The following SLC25A32 variants were observed in gnomAD, a reference collection of about 807,000 sequenced individuals.
The protein encoded by SLC25A32 is solute carrier family 25 member 32, also known as Glycine auxotroph B, complementation of hamster.
SLC25A32 carries 32 observed loss-of-function variants against 39.0 expected under a neutral mutation model. The observed-to-expected ratio is 0.82, with a 90% confidence interval of 0.62 to 1.10. The LOEUF is 1.10. Ranked by LOEUF, SLC25A32 falls within the 50% of genes least tolerant of loss-of-function variation. The probability of loss-of-function intolerance (pLI) is 0.00; values close to 1 mark genes in which losing one functional copy is unlikely to be tolerated. For missense variants in SLC25A32, 367 were observed against 395.3 expected (o/e 0.93, Z 0.61); for synonymous variants, 166 against 152.4 (o/e 1.09, Z -0.66).
intron 1 of SLC25A32, among the ~76,000 whole-genome samples, chr8:103,409,175 A>C (rs1270919181): frequency 6.6e-6 from 1 of 152,220 alleles, no homozygotes; most frequent in Non-Finnish European, 1.5e-5. Context: ...CTATAAGTAG[A>C]GTATTAAGTA....
chr8:103,407,285 C>T (rs768319902), intron 2 of SLC25A32, among the ~76,000 whole-genome samples: 4 of 152,310 alleles, frequency 2.6e-5, no homozygotes, highest in South Asian at 2.1e-4. Flanking sequence ...ATCAGTTATA[C>T]ATTTCATCTT....
In SLC25A32 at chr8:103,407,788, C is replaced by T. The variant is rs1586115270; in HGVS notation, c.155-4G>A. On this transcript the variant is annotated splice_polypyrimidine_tract_variant and splice_region_variant and intron_variant, in intron 1 of 6. Coordinates refer to ENST00000297578, the MANE Select transcript of SLC25A32 (RefSeq NM_030780.5). The stretch of plus-strand genomic sequence containing the variant: ...CTCAGTTCCAATCCATCACTCACTG[C>T]ATCAAGGGATACACAAAGTCAGGTA... 1 of 1,611,664 alleles carries T rather than the reference C, an allele frequency of 6.2e-7. No homozygotes were observed. The highest frequency in any genetic ancestry group is 1.3e-5 in the African/African-American group (1 of 74,760).
intron 1 of SLC25A32, among the ~76,000 whole-genome samples, 162 bp from the exon 2 acceptor site, chr8:103,407,946 C>G (rs1816369407): frequency 6.9e-6 from 1 of 144,350 alleles, no homozygotes; most frequent in Admixed American, 7.0e-5. Flanking sequence ...ATATATATTA[C>G]ATATATATAT....
intron 2 of SLC25A32, among the ~76,000 whole-genome samples, chr8:103,406,846 A>G (rs1816343134): frequency 6.6e-6 from 1 of 152,232 alleles, no homozygotes; most frequent in Admixed American, 6.5e-5. Context: ...TTGAGGATAA[A>G]CAAGTAATTA....
In SLC25A32 at chr8:103,400,272, C is replaced by T. The variant is rs1816188624; in HGVS notation, c.*139G>A. 2 of 955,702 alleles carry T rather than the reference C, an allele frequency of 2.1e-6. No individual in the cohort carries two copies. The highest frequency in any genetic ancestry group is 3.3e-5 in the African/African-American group (2 of 60,054). 59.2% of individuals were successfully genotyped at this position (955,702 alleles called of 1,614,324 possible). On this transcript the variant is annotated 3_prime_UTR_variant, in exon 7 of 7. Coordinates refer to ENST00000297578, the MANE Select transcript of SLC25A32 (RefSeq NM_030780.5). ...AAGAAAAACATTGCAGGAGACTTAG[C>T]AGTTCTCTGGCTTCTAATGACTATA... is the stretch of plus-strand genomic sequence containing the variant.
At position 103,400,452 on chromosome 8, in the gene SLC25A32, C is replaced by A; in HGVS notation, c.907G>T (p.Val303Phe). The change falls in exon 7 of 7, where the codon GTC (valine) becomes TTC (phenylalanine). Residue 303 changes from valine (V) to phenylalanine (F), a missense_variant. By Grantham distance (50) the Val-to-Phe change is conservative (BLOSUM62 -1). Transcript: ENST00000297578. Reference protein sequence around the residue: ...CCITFVVYENVSHFLLDLREK... With the variant: ...CCITFVVYENFSHFLLDLREK... ...CTAAGGTCAAGTAAAAAATGTGAGA[C>A]GTTTTCATATACCACAAAGGTAATA... The A allele has an allele frequency of 1.2e-6, 2 of 1,614,126 alleles. No homozygotes were observed. The highest frequency in any genetic ancestry group is 1.7e-6 in the Non-Finnish European group (2 of 1,179,980).
At chr8:103,407,031 T>A (rs1209680003) in intron 2 of SLC25A32, among the ~76,000 whole-genome samples, 1 of 152,234 alleles carries the variant, frequency 6.6e-6, no homozygotes, top group African/African-American at 2.4e-5. Context: ...TCTTCCAGTC[T>A]CTACATCACT....
rs5025988 is a variant in SLC25A32, at chr8:103,414,678, A to T, written c.154+106T>A. ...TTCAGGTTAGCCAACGCGGACAGCA[A>T]CGCTCCCTTCAACGCTCCTCCTCCC... On this transcript the variant is annotated intron_variant, in intron 1 of 6. Transcript: ENST00000297578. 3.6e-6 allele frequency: 5 copies of T among 1,391,148 alleles called. No individual in the cohort carries two copies. In the East Asian group the frequency reaches 1.3e-4, roughly 35 times the overall value. The allele number at this position is 1,391,148 out of a possible 1,614,324, so 86.2% of individuals were successfully genotyped here.
In SLC25A32 at chr8:103,414,958, C is replaced by T. The variant is rs1200807236; in HGVS notation, c.-21G>A. 3.1e-6 allele frequency: 5 copies of T among 1,590,358 alleles called. No individual in the cohort carries two copies. Among genetic ancestry groups the T allele is most frequent in the Non-Finnish European group, 4.3e-6 (5 of 1,168,650 alleles). On this transcript the variant is annotated 5_prime_UTR_variant, in exon 1 of 7. The change creates a new upstream start codon in the 5' untranslated region. Coordinates refer to ENST00000297578, the MANE Select transcript of SLC25A32 (RefSeq NM_030780.5). ...GTCATAGGCTCGGGGCCCGTCGACA[C>T]CACGGCGCCCAGGGCCGCGGAGGTG... is the stretch of plus-strand genomic sequence containing the variant.
At chr8:103,410,453 A>G (rs1359571277) in intron 1 of SLC25A32, among the ~76,000 whole-genome samples, 1 of 152,092 alleles carries the variant, frequency 6.6e-6, no homozygotes, top group Non-Finnish European at 1.5e-5. Context: ...AGAATCTCGA[A>G]CCCTATTGTG....
In SLC25A32 at chr8:103,400,352, A is replaced by G; in HGVS notation, c.*59T>C. On this transcript the variant is annotated 3_prime_UTR_variant, in exon 7 of 7. Transcript: ENST00000297578. ...ATGCAGAATTCTTCTTTTATGCCTTAAACACAAAAGAGCTTGTTGCTGCCT... is the reference window on the plus strand; with the variant it reads ...ATGCAGAATTCTTCTTTTATGCCTTGAACACAAAAGAGCTTGTTGCTGCCT... 2 of 1,593,916 alleles carry G rather than the reference A, an allele frequency of 1.3e-6. No homozygotes were observed. Among genetic ancestry groups the G allele is most frequent in the African/African-American group, 1.4e-5 (1 of 73,972 alleles).
In SLC25A32 at chr8:103,399,167, T is replaced by C. The variant is rs1816164444; in HGVS notation, c.*1244A>G. On this transcript the variant is annotated 3_prime_UTR_variant, in exon 7 of 7. Coordinates refer to ENST00000297578, the MANE Select transcript of SLC25A32 (RefSeq NM_030780.5). ...TTTCAACCTGAATTTGAGAAACCAA[T>C]GAAGATTAATCATTTATTTGGGATC... 6.6e-6 allele frequency: 1 copy of C among 152,214 alleles called. No homozygotes were observed. Among genetic ancestry groups the C allele is most frequent in the Non-Finnish European group, 1.5e-5 (1 of 68,026 alleles). 9.4% of individuals were successfully genotyped at this position (152,214 alleles called of 1,614,324 possible). A position where few individuals can be genotyped will look rare whatever the true frequency, so the allele number is the denominator to read the frequency against.
chr8:103,401,742 C>T (rs1051230061), intron 5 of SLC25A32, 81 bp from the exon 6 acceptor site: 1 of 1,250,464 alleles, frequency 8.0e-7, no homozygotes, highest in Non-Finnish European at 1.1e-6. Context: ...ATACAAAAAA[C>T]ATTTAAATGG....
chr8:103,406,101 A>T (rs1418837991), intron 2 of SLC25A32, among the ~76,000 whole-genome samples: 1 of 151,584 alleles, frequency 6.6e-6, no homozygotes, highest in Non-Finnish European at 1.5e-5. Context: ...ATATACATAA[A>T]CATATCTATA....
At chr8:103,401,183 G>C (rs1169690378) in intron 6 of SLC25A32, among the ~76,000 whole-genome samples, 2 of 152,306 alleles carry the variant, frequency 1.3e-5, no homozygotes, top group Non-Finnish European at 2.9e-5. Flanking sequence ...GAGCCTTCTT[G>C]AATGTATTAA....
rs1816228787 is a variant in SLC25A32 at position 103,402,023 on chromosome 8, T to C, written c.584A>G (p.His195Arg). 3 of 1,612,866 alleles carry C rather than the reference T, an allele frequency of 1.9e-6. No individual in the cohort carries two copies. Among genetic ancestry groups the C allele is most frequent in the African/African-American group, 2.7e-5 (2 of 74,888 alleles). ...GFVPGLFGTS[H>R]GALQFMAYEL... ...ATATGCCATAAACTGAAGGGCACCA[T>C]GCGATGTTCCAAACAGCCCAGGAAC... The change falls in exon 5 of 7, where the codon CAT (histidine) becomes CGT (arginine). Residue 195 changes from histidine (H) to arginine (R), a missense_variant. Coordinates refer to ENST00000297578, the MANE Select transcript of SLC25A32 (RefSeq NM_030780.5).
intron 3 of SLC25A32, among the ~76,000 whole-genome samples, chr8:103,403,778 C>T (rs1164282116): frequency 6.6e-6 from 1 of 152,118 alleles, no homozygotes; most frequent in African/African-American, 2.4e-5. Flanking sequence ...TATATCTACC[C>T]CAACTTTATC....
Position 103,414,927 on chromosome 8 carries a change from TGGCCCGTCATAGGCTCGG to T in SLC25A32, c.-8_10del, listed in dbSNP as rs1563722052. On this transcript the variant is annotated start_lost and 5_prime_UTR_variant, in exon 1 of 7. Transcript: ENST00000297578. ...CGACGACCCGGACGCCGACTGGCCC[TGGCCCGTCATAGGCTCGG>T]GGCCCGTCGACACCACGGCGCCCAG... 1.8e-5 allele frequency: 29 copies of T among 1,606,184 alleles called. No individual in the cohort carries two copies. The highest frequency in any genetic ancestry group is 2.4e-5 in the Non-Finnish European group (28 of 1,176,856).
rs1173967377 is a variant in SLC25A32, at chr8:103,415,045, C to T, written c.-108G>A. Reference sequence around the variant, plus strand: ...GCCCCTTGTGAGCGCAACCCCACCTCCGGGACCAACGAGAGGACTCTTATG... The same window carrying T: ...GCCCCTTGTGAGCGCAACCCCACCTTCGGGACCAACGAGAGGACTCTTATG... On this transcript the variant is annotated 5_prime_UTR_variant, in exon 1 of 7. Coordinates refer to ENST00000297578, the MANE Select transcript of SLC25A32 (RefSeq NM_030780.5). The T allele has an allele frequency of 6.3e-7, 1 of 1,596,336 alleles. No homozygotes were observed. Among genetic ancestry groups the T allele is most frequent in the Non-Finnish European group, 8.5e-7 (1 of 1,171,868 alleles).
Sources: gnomAD v4.1 joint callset for allele counts (sites outside exome capture counted in the v4.1 genomes callset) on GRCh38, gnomAD v4.1.1 for gene constraint, MANE v1.5 for transcripts, NCBI Gene and HGNC (gene_info 2026-07-23, HGNC 2026-07-21) for gene names.